Variants in CNTN6 observed in about 807,000 individuals in gnomAD.
The protein encoded by CNTN6 is contactin-6.
In CNTN6, 137 loss-of-function variants were observed where a neutral mutation model predicts 122.8. That is an observed-to-expected ratio of 1.12 (90% CI 0.97 to 1.29). The LOEUF (loss-of-function observed/expected upper bound fraction) is 1.29, where lower values mean the gene tolerates loss of function less well. Among genes scored for constraint, CNTN6 ranks in the 50% most tolerant of loss-of-function variants. The pLI, the probability that CNTN6 is intolerant of heterozygous loss-of-function variation, is 0.00. For missense variants in CNTN6, 1,634 were observed against 1,223.4 expected (o/e 1.34, Z -5.01); for synonymous variants, 570 against 426.0 (o/e 1.34, Z -4.16).
At chr3:1,281,882 T>C (rs191647496) in intron 5 of CNTN6, among the ~76,000 whole-genome samples, 37 of 152,338 alleles carry the variant, frequency 2.4e-4, no homozygotes, top group Non-Finnish European at 5.1e-4. Flanking sequence ...ATATCCTGAA[T>C]TCTTTATGCT....
chr3:1,249,641 C>T (rs920344265), intron 4 of CNTN6, among the ~76,000 whole-genome samples: 2 of 152,086 alleles, frequency 1.3e-5, no homozygotes, highest in African/African-American at 2.4e-5. Flanking sequence ...GAGAATTGTG[C>T]GGTTGAGAGA....
In CNTN6 at chr3:1,383,088, G is replaced by C. The variant is rs772211993; in HGVS notation, c.2313G>C (p.Leu771=). The C allele has an allele frequency of 1.9e-5, 31 of 1,614,026 alleles. No individual in the cohort carries two copies. The highest frequency in any genetic ancestry group is 2.6e-5 in the Non-Finnish European group (31 of 1,179,904). Residue 771 remains leucine (L), a synonymous_variant, in exon 18 of 23, where the codon CTG becomes CTC. Coordinates refer to ENST00000446702, the MANE Select transcript of CNTN6 (RefSeq NM_001289080.2). ...ACAGAAATGAAAGCATCATCCCACT[G>C]TCTCCCTTTGAAGTCAAAGTGGGTG... ...FVYRNESIIP[L]SPFEVKVGVY...
chr3:1,373,676 C>T lies in CNTN6; in HGVS notation c.1859C>T (p.Ala620Val). ...SSTTSQLSWR[A>V]GPDNNSPIQI... ...ACTACTTCTCAACTAAGTTGGAGAG[C>T]AGGCCCAGATAATAACAGTCCCATT... The change falls in exon 15 of 23, where the codon GCA becomes GTA. Residue 620 changes from alanine (A) to valine (V), a missense_variant. By Grantham distance (64) the Ala-to-Val change is moderately conservative. Coordinates refer to ENST00000446702, the MANE Select transcript of CNTN6 (RefSeq NM_001289080.2). 1 of 1,613,060 alleles carries T rather than the reference C, an allele frequency of 6.2e-7. No homozygotes were observed. Among genetic ancestry groups the T allele is most frequent in the Non-Finnish European group, 8.5e-7 (1 of 1,179,360 alleles).
chr3:1,234,097 C>T (rs547191640), intron 4 of CNTN6, among the ~76,000 whole-genome samples: 1 of 152,282 alleles, frequency 6.6e-6, no homozygotes, highest in Admixed American at 6.5e-5. Context: ...CCATGTTTTA[C>T]AGGTGAAGAC....
rs73094903 is a variant in CNTN6 at position 1,352,370 on chromosome 3, A to C, written c.1411A>C (p.Arg471=). ...CAGCCTCAAGATATATAATATTACC[A>C]GGTCAGATGCTGGATCATATACATG... is the stretch of plus-strand genomic sequence containing the variant. ...DGSLKIYNIT[R]SDAGSYTCIA... is the part of the protein sequence containing the mutation. Residue 471 remains arginine, a synonymous_variant, in exon 12 of 23, where the codon AGG becomes CGG. Coordinates refer to ENST00000446702, the MANE Select transcript of CNTN6 (RefSeq NM_001289080.2). The C allele has an allele frequency of 9.6e-4, 1,524 of 1,585,392 alleles. 8 individuals carry two copies. The African/African-American group carries it at 0.017, about 18-fold the overall frequency.
chr3:1,306,166 G>A (rs1166624457), intron 7 of CNTN6, among the ~76,000 whole-genome samples: 1 of 152,086 alleles, frequency 6.6e-6, no homozygotes, highest in Non-Finnish European at 1.5e-5. Flanking sequence ...TCCCCTCATT[G>A]AGTTGAGCAG....
At chr3:1,359,922 C>T (rs1707204848) in intron 12 of CNTN6, among the ~76,000 whole-genome samples, 1 of 151,966 alleles carries the variant, frequency 6.6e-6, no homozygotes, top group South Asian at 2.1e-4. Flanking sequence ...TACGGACTTG[C>T]CAACAATTCA....
At chr3:1,360,344 T>C (rs1307560003) in intron 12 of CNTN6, among the ~76,000 whole-genome samples, 2 of 152,074 alleles carry the variant, frequency 1.3e-5, no homozygotes, top group African/African-American at 4.8e-5. Context: ...ATGTTTTAAA[T>C]CTGTTATCAA....
chr3:1,335,920 C>T (rs1302266434), intron 11 of CNTN6, among the ~76,000 whole-genome samples: 2 of 151,828 alleles, frequency 1.3e-5, no homozygotes, highest in African/African-American at 4.8e-5. Flanking sequence ...CCTGTGGTGC[C>T]AGCTAATGGA....
intron 1 of CNTN6, among the ~76,000 whole-genome samples, chr3:1,098,787 C>CAAATATATATATAT: frequency 1.8e-5 from 1 of 55,686 alleles, no homozygotes; most frequent in South Asian, 7.2e-4. Context: ...CACACACACA[C>CAAATATATATATAT]ACATATATAT....
chr3:1,156,913 C>T (rs2092983139), intron 2 of CNTN6, among the ~76,000 whole-genome samples: 1 of 152,024 alleles, frequency 6.6e-6, no homozygotes, highest in South Asian at 2.1e-4. Context: ...GACTGCCTCT[C>T]ACTGTGTTGC....
chr3:1,258,492 C>T (rs1032604199), intron 4 of CNTN6, among the ~76,000 whole-genome samples: 2 of 152,014 alleles, frequency 1.3e-5, no homozygotes, highest in African/African-American at 4.8e-5. Flanking sequence ...TTGCTTCATA[C>T]GAGTCACAAA....
intron 2 of CNTN6, among the ~76,000 whole-genome samples, chr3:1,212,556 T>TATACAC (rs891843666): frequency 6.6e-6 from 1 of 151,812 alleles, no homozygotes; most frequent in African/African-American, 2.4e-5. Flanking sequence ...TATATATGTG[T>TATACAC]ATACACATAC....
chr3:1,304,373 G>T (rs922926369), intron 7 of CNTN6, among the ~76,000 whole-genome samples: 2 of 152,014 alleles, frequency 1.3e-5, no homozygotes, highest in Non-Finnish European at 2.9e-5. Flanking sequence ...GATAAATTAA[G>T]TGACTTAACC....
intron 12 of CNTN6, among the ~76,000 whole-genome samples, chr3:1,365,000 C>G (rs1330890855): frequency 6.6e-6 from 1 of 151,944 alleles, no homozygotes; most frequent in Non-Finnish European, 1.5e-5. Context: ...CAAAAAGTGG[C>G]TAGTTCTTAT....
chr3:1,230,540 G>T (rs2094340599), intron 4 of CNTN6, among the ~76,000 whole-genome samples: 1 of 152,140 alleles, frequency 6.6e-6, no homozygotes, highest in Non-Finnish European at 1.5e-5. Context: ...ACTTCCTAAA[G>T]GCTAGTTTCT....
intron 2 of CNTN6, among the ~76,000 whole-genome samples, chr3:1,212,213 C>A (rs2094049585): frequency 6.6e-6 from 1 of 150,590 alleles, no homozygotes; most frequent in Non-Finnish European, 1.5e-5. Context: ...TCAGTGTCTA[C>A]CTATTCCAAA....
At chr3:1,235,472 A>C (rs1575350901) in intron 4 of CNTN6, among the ~76,000 whole-genome samples, 1 of 151,306 alleles carries the variant, frequency 6.6e-6, no homozygotes, top group Non-Finnish European at 1.5e-5. Context: ...ATACATATAA[A>C]GAGCATTTAT....
In CNTN6 at chr3:1,245,356, C is replaced by T. The variant is rs532774530; in HGVS notation, c.358+17363C>T. The stretch of plus-strand genomic sequence containing the variant: ...TATATAGCATGGAATACTACTCAGC[C>T]ATAAAAAGGAATGAAATAATGGCAT... On this transcript the variant is annotated intron_variant, in intron 4 of 22. Coordinates refer to ENST00000446702, the MANE Select transcript of CNTN6 (RefSeq NM_001289080.2). Among the ~76,000 whole-genome samples, 46 of 105,460 alleles carry T rather than the reference C, an allele frequency of 4.4e-4. 1 individual carries two copies. In the East Asian group the frequency reaches 8.2e-3, roughly 19 times the overall value. The allele number at this position is 105,460 out of a possible 152,430, so 69.2% of individuals were successfully genotyped here. A position where few individuals can be genotyped will look rare whatever the true frequency, so the allele number is the denominator to read the frequency against.
Sources: gnomAD v4.1 joint callset for allele counts (sites outside exome capture counted in the v4.1 genomes callset) on GRCh38, gnomAD v4.1.1 for gene constraint, MANE v1.5 for transcripts, NCBI Gene and HGNC (gene_info 2026-07-23, HGNC 2026-07-21) for gene names.